The following KLHL32 variants were observed in gnomAD, a reference collection of about 807,000 sequenced individuals.
KLHL32 encodes kelch-like protein 32.
KLHL32 carries 35 observed loss-of-function variants against 64.8 expected under a neutral mutation model. The observed-to-expected ratio is 0.54, with a 90% CI of 0.41 to 0.72. KLHL32 has a LOEUF of 0.72. KLHL32 is among the 30% of genes least tolerant of loss of function. KLHL32 has a pLI of 0.00. For synonymous variants in KLHL32, 259 were observed against 281.0 expected, an observed-to-expected ratio of 0.92 and a Z score of 0.78; for missense variants, 589 against 768.5, an observed-to-expected ratio of 0.77 and a Z score of 2.76.
chr6:97,005,193 C>T (rs1402668273), intron 3 of KLHL32, among the ~76,000 whole-genome samples: 3 of 152,006 alleles, frequency 2.0e-5, no homozygotes, highest in African/African-American at 7.2e-5. Flanking sequence ...CAATTTCTTC[C>T]TGGTTCAGTC....
intron 3 of KLHL32, among the ~76,000 whole-genome samples, chr6:96,983,646 T>C (rs542449344): frequency 1.3e-5 from 2 of 152,278 alleles, no homozygotes; most frequent in Non-Finnish European, 1.5e-5. Context: ...CCATTTCTTC[T>C]AGATTTTCTA....
At chr6:96,949,478 G>A (rs571351805) in intron 1 of KLHL32, among the ~76,000 whole-genome samples, 1 of 152,236 alleles carries the variant, frequency 6.6e-6, no homozygotes, top group South Asian at 2.1e-4. Context: ...TTCCACAGAT[G>A]TAGACTTGCC....
intron 1 of KLHL32, among the ~76,000 whole-genome samples, chr6:96,930,589 A>G (rs1379296858): frequency 1.3e-5 from 2 of 152,152 alleles, no homozygotes; most frequent in African/African-American, 2.4e-5. Flanking sequence ...GCCTTCCTCA[A>G]AATGATGGTG....
At chr6:96,969,390 C>T (rs778595979) in intron 2 of KLHL32, among the ~76,000 whole-genome samples, 1 of 152,142 alleles carries the variant, frequency 6.6e-6, no homozygotes, top group Non-Finnish European at 1.5e-5. Flanking sequence ...CCAACCCATC[C>T]AGTCTTTCCT....
chr6:97,029,917 C>T (rs1582773427), intron 3 of KLHL32, among the ~76,000 whole-genome samples: 1 of 152,310 alleles, frequency 6.6e-6, no homozygotes, highest in African/African-American at 2.4e-5. Context: ...AATTATGTAA[C>T]AGTGGGCATA....
intron 4 of KLHL32, among the ~76,000 whole-genome samples, chr6:97,055,798 A>AAAAAAAAAAAAAAAAAAAAAC (rs1787733259): frequency 9.5e-6 from 1 of 105,234 alleles, no homozygotes; most frequent in Non-Finnish European, 1.7e-5. Flanking sequence ...AACCTGTCTA[A>AAAAAAAAAAAAAAAAAAAAAC]AAAAAAAAAA....
chr6:96,937,873 C>G (rs994106128), intron 1 of KLHL32, among the ~76,000 whole-genome samples: 6 of 152,148 alleles, frequency 3.9e-5, no homozygotes, highest in Non-Finnish European at 7.4e-5. Context: ...TTTCTAAAAA[C>G]TTCTGGCAAC....
the KLHL32 span, among the ~76,000 whole-genome samples, chr6:96,918,385 G>A: frequency 6.6e-6 from 1 of 152,196 alleles, no homozygotes; most frequent in African/African-American, 2.4e-5. Flanking sequence ...TTTACCTTCA[G>A]GCTGATATGG....
At chr6:97,099,235 G>T (rs943733531) in intron 6 of KLHL32, among the ~76,000 whole-genome samples, 3 of 152,200 alleles carry the variant, frequency 2.0e-5, no homozygotes, top group Non-Finnish European at 2.9e-5. Context: ...CACCCAGACT[G>T]CACCCCTCAA....
At position 97,085,272 on chromosome 6, in the gene KLHL32, C is replaced by T. The variant is rs1490180996; in HGVS notation, c.558C>T (p.Pro186=). The change falls in exon 6 of 11, where the codon CCC becomes CCT. Residue 186 remains proline (P), a synonymous_variant. Transcript: ENST00000369261. Reference sequence around the variant, plus strand: ...GCCCAGAAGAAGTTCTAACGCTTCCCTATTGCCTGCTTCAGGAGGTGCTGA... The same window carrying T: ...GCCCAGAAGAAGTTCTAACGCTTCCTTATTGCCTGCTTCAGGAGGTGCTGA... ...KSRPEEVLTL[P]YCLLQEVLKS... is the part of the protein sequence containing the mutation. 3.1e-6 allele frequency: 5 copies of T among 1,613,560 alleles called. No homozygotes were observed. The highest frequency in any genetic ancestry group is 4.2e-6 in the Non-Finnish European group (5 of 1,180,034).
chr6:96,983,061 C>T (rs1776524852), intron 3 of KLHL32, among the ~76,000 whole-genome samples: 1 of 152,226 alleles, frequency 6.6e-6, no homozygotes, highest in Non-Finnish European at 1.5e-5. Flanking sequence ...CCCATCAATA[C>T]CTAATTTGTT....
chr6:97,101,991 A>G (rs918062347), intron 6 of KLHL32, among the ~76,000 whole-genome samples: 1 of 152,188 alleles, frequency 6.6e-6, no homozygotes, highest in African/African-American at 2.4e-5. Context: ...TACATTGTCT[A>G]AATATCAGTT....
chr6:97,028,445 T>C (rs1290988192), intron 3 of KLHL32, among the ~76,000 whole-genome samples: 1 of 152,208 alleles, frequency 6.6e-6, no homozygotes, highest in African/African-American at 2.4e-5. Flanking sequence ...CCTATCATAT[T>C]TTCCTCAGTA....
At chr6:96,949,679 G>A (rs939114332) in intron 1 of KLHL32, among the ~76,000 whole-genome samples, 1 of 152,012 alleles carries the variant, frequency 6.6e-6, no homozygotes, top group African/African-American at 2.4e-5. Context: ...AGAGTTCCCT[G>A]GTGAGATTAA....
rs142525654 is a variant in KLHL32, at chr6:96,991,497, G to A, written c.204+15320G>A. ...GCAGAGGGGCTATGGGTTGTCTCTG[G>A]GGATTTCCTCCCCAAAGAAACACAG... is the stretch of plus-strand genomic sequence containing the variant. On this transcript the variant is annotated intron_variant, in intron 3 of 10. Coordinates refer to ENST00000369261, the MANE Select transcript of KLHL32 (RefSeq NM_052904.4). Among the ~76,000 whole-genome samples, 194 of 152,166 alleles carry A rather than the reference G, an allele frequency of 1.3e-3. 1 individual carries two copies. The highest frequency in any genetic ancestry group is 4.5e-3 in the African/African-American group (187 of 41,500).
At chr6:97,021,467 G>C (rs1484826216) in intron 3 of KLHL32, among the ~76,000 whole-genome samples, 1 of 150,810 alleles carries the variant, frequency 6.6e-6, no homozygotes, top group Non-Finnish European at 1.5e-5. Flanking sequence ...ACAGTCAGTA[G>C]AGGGAATCCC....
rs569117556 is a variant in KLHL32, at chr6:97,098,662, C to T, written c.627+13321C>T. On this transcript the variant is annotated intron_variant, in intron 6 of 10. Coordinates refer to ENST00000369261, the MANE Select transcript of KLHL32 (RefSeq NM_052904.4). ...ATCCAGTTGCTGTTTTAATGCAGCC[C>T]TTATTTAATGAACAGTTCTGTTTAA... Among the ~76,000 whole-genome samples the T allele has an allele frequency of 2.0e-5, 3 of 152,108 alleles. No homozygotes were observed. The South Asian group carries it at 6.2e-4, about 32-fold the overall frequency.
At chr6:97,124,945 C>T (rs1798725111) in intron 7 of KLHL32, among the ~76,000 whole-genome samples, 1 of 152,148 alleles carries the variant, frequency 6.6e-6, no homozygotes, top group Non-Finnish European at 1.5e-5. Flanking sequence ...TGACACACAT[C>T]TTGACTATAT....
At chr6:97,013,892 C>T (rs908922195) in intron 3 of KLHL32, among the ~76,000 whole-genome samples, 1 of 152,136 alleles carries the variant, frequency 6.6e-6, no homozygotes, top group African/African-American at 2.4e-5. Flanking sequence ...GATAAATGCT[C>T]ATTTTATAAA....
Sources: gnomAD v4.1 joint callset for allele counts (sites outside exome capture counted in the v4.1 genomes callset) on GRCh38, gnomAD v4.1.1 for gene constraint, MANE v1.5 for transcripts, NCBI Gene and HGNC (gene_info 2026-07-23, HGNC 2026-07-21) for gene names.